The following VPS52 variants were observed in gnomAD, a reference collection of about 807,000 sequenced individuals.
VPS52 encodes vacuolar protein sorting-associated protein 52 homolog.
VPS52 carries 56 observed loss-of-function variants against 98.7 expected under a neutral mutation model. The ratio of observed to expected loss-of-function variants is 0.57; its 90% CI spans 0.46 to 0.71. The LOEUF (loss-of-function observed/expected upper bound fraction) is 0.71, where lower values mean the gene tolerates loss of function less well. Ranked by LOEUF, VPS52 falls within the 30% of genes least tolerant of loss-of-function variation. The pLI is 0.00. For synonymous variants in VPS52, 348 were observed against 346.4 expected (o/e 1.00, Z -0.05); for missense variants, 742 against 925.9 (o/e 0.80, Z 2.58).
chr6:33,252,813 G>A, intron 17 of VPS52, among the ~76,000 whole-genome samples: 1 of 151,898 alleles, frequency 6.6e-6, no homozygotes, highest in Non-Finnish European at 1.5e-5. Context: ...AGGAGATACA[G>A]AAATCTAATT....
chr6:33,266,731 A>T lies in VPS52; in HGVS notation c.1126-19T>A. 6.3e-7 allele frequency: 1 copy of T among 1,593,168 alleles called. No homozygotes were observed. The highest frequency in any genetic ancestry group is 1.1e-5 in the South Asian group (1 of 88,682). On this transcript the variant is annotated intron_variant, in intron 11 of 19. Transcript: ENST00000445902. ...ATGGATACTGGGAGAGGAGGAGTAA[A>T]GAAGAAAAACAGAAGGGATGGACCC... is the stretch of plus-strand genomic sequence containing the variant.
At chr6:33,253,614 G>C (rs76090920) in intron 17 of VPS52, among the ~76,000 whole-genome samples, 5,823 of 151,954 alleles carry the variant, frequency 0.038, 194 homozygotes, top group African/African-American at 0.087. Flanking sequence ...CTGTTACCAG[G>C]TGTGGTGGCA....
Position 33,268,647 on chromosome 6 carries a change from G to A in VPS52, c.551C>T (p.Ala184Val), listed in dbSNP as rs761091888. 2 of 1,600,320 alleles carry A rather than the reference G, an allele frequency of 1.2e-6. No individual in the cohort carries two copies. The highest frequency in any genetic ancestry group is 1.7e-6 in the Non-Finnish European group (2 of 1,177,460). ...CTCTGTCACTGGAGCCTCCAGAATT[G>A]CCCTGGTTAGCAGGGAGGGGTGGGA... is the stretch of plus-strand genomic sequence containing the variant. Reference protein sequence around the residue: ...GLVVPSALVTAILEAPVTEPR... With the variant: ...GLVVPSALVTVILEAPVTEPR... Residue 184 changes from alanine (A) to valine (V), a missense_variant and splice_region_variant, in exon 7 of 20, where the codon GCA becomes GTA. Physicochemically the swap from Ala to Val is moderately conservative, Grantham distance 64 (BLOSUM62 0). Transcript: ENST00000445902. The surrounding 1 kb of genome is among the most constrained non-coding windows in gnomAD (Gnocchi z 4.0).
chr6:33,265,314 G>A (rs1203438326), intron 12 of VPS52, among the ~76,000 whole-genome samples: 2 of 151,866 alleles, frequency 1.3e-5, no homozygotes, highest in Non-Finnish European at 2.9e-5. Context: ...GACCTCAGGC[G>A]ATCCGCCCAC....
chr6:33,269,073 T>G lies in VPS52; in HGVS notation c.489A>C (p.Ala163=). 1.2e-6 allele frequency: 2 copies of G among 1,612,906 alleles called. No individual in the cohort carries two copies. The highest frequency in any genetic ancestry group is 4.5e-5 in the East Asian group (2 of 44,872). ...AMNIRLRNRQ[A]VRGKLGELVD... Reference sequence around the variant, plus strand: ...CAAGCTCCCCAAGTTTCCCCCGAACTGCCTGGCGATTTCGAAGTCGAATGT... The same window carrying G: ...CAAGCTCCCCAAGTTTCCCCCGAACGGCCTGGCGATTTCGAAGTCGAATGT... The change falls in exon 6 of 20, where the codon GCA becomes GCC. Residue 163 remains alanine, a synonymous_variant. Coordinates refer to ENST00000445902, the MANE Select transcript of VPS52 (RefSeq NM_022553.6).
intron 1 of VPS52, 27 bp downstream of exon 1, chr6:33,271,559 G>C (rs776630588): frequency 6.3e-7 from 1 of 1,580,162 alleles, no homozygotes; most frequent in South Asian, 1.2e-5. Context: ...CCGGAACTAC[G>C]GAGGAGAAAC....
rs200515927 is a variant in VPS52 at position 33,268,506 on chromosome 6, C to T, written c.692G>A (p.Arg231Gln). 5.4e-5 allele frequency: 86 copies of T among 1,601,178 alleles called. No homozygotes were observed. The highest frequency in any genetic ancestry group is 5.1e-4 in the African/African-American group (38 of 74,694). ...TCCATCCCTACTTCCCACCTTGACC[C>T]GGAGCCGATCGAGCACGCCTCTGAC... ...ADVRGVLDRL[R>Q]VKAVTKIREF... The change falls in exon 7 of 20, where the codon CGG becomes CAG. Residue 231 changes from arginine (R) to glutamine (Q), a missense_variant. By Grantham distance (43) the Arg-to-Gln change is conservative. Transcript: ENST00000445902. The surrounding 1 kb of genome is among the most constrained non-coding windows in gnomAD (Gnocchi z 4.0).
chr6:33,262,779 A>C (rs1763781096), intron 17 of VPS52, among the ~76,000 whole-genome samples: 1 of 152,244 alleles, frequency 6.6e-6, no homozygotes, highest in African/African-American at 2.4e-5. Flanking sequence ...ACAGAAAGAC[A>C]AACGTCATGT....
In VPS52 at chr6:33,258,945, C is replaced by T. The variant is rs555355221; in HGVS notation, c.1794+4539G>A. ...AAAATTGTATAGTTGTGGTGACGCT[C>T]CTCACACAGAGCACCAGCTTCAGGG... On this transcript the variant is annotated intron_variant, in intron 17 of 19. Transcript: ENST00000445902. Among the ~76,000 whole-genome samples, 61 of 152,300 alleles carry T rather than the reference C, an allele frequency of 4.0e-4. No individual in the cohort carries two copies. In the South Asian group the frequency reaches 4.6e-3, roughly 11 times the overall value.
In VPS52 at chr6:33,267,275, G is replaced by A. The variant is rs1228910049; in HGVS notation, c.1038C>T (p.Thr346=). 3.1e-6 allele frequency: 5 copies of A among 1,604,126 alleles called. No individual in the cohort carries two copies. In the Admixed American group the frequency reaches 5.2e-5, roughly 17 times the overall value. Residue 346 remains threonine (T), a synonymous_variant, in exon 11 of 20, where the codon ACC becomes ACT. Coordinates refer to ENST00000445902, the MANE Select transcript of VPS52 (RefSeq NM_022553.6). The surrounding 1 kb of genome is among the most constrained non-coding windows in gnomAD (Gnocchi z 4.2). ...PSLRSRNTIF[T]LGTRGSVISP... is the part of the protein sequence containing the mutation. Reference sequence around the variant, plus strand: ...AGATGACAGAGCCGCGGGTTCCTAGGGTGAAAATGGTGTTCCTGCTGCGGA... The same window carrying A: ...AGATGACAGAGCCGCGGGTTCCTAGAGTGAAAATGGTGTTCCTGCTGCGGA...
intron 17 of VPS52, among the ~76,000 whole-genome samples, chr6:33,258,189 A>T (rs957539910): frequency 3.9e-5 from 6 of 152,084 alleles, no homozygotes; most frequent in African/African-American, 1.2e-4. Flanking sequence ...GGCGTTCAAG[A>T]CTGGCCTGGC....
chr6:33,271,055 A>G (rs957592895), intron 1 of VPS52: 4 of 238,474 alleles, frequency 1.7e-5, no homozygotes, highest in Non-Finnish European at 3.3e-5. Flanking sequence ...TAAGACCCTC[A>G]GACTCCTGCC....
At chr6:33,256,905 C>A (rs1243400935) in intron 17 of VPS52, among the ~76,000 whole-genome samples, 1 of 150,826 alleles carries the variant, frequency 6.6e-6, no homozygotes, top group African/African-American at 2.4e-5. Flanking sequence ...TGGTTCTGGG[C>A]CAACCATCCA....
chr6:33,263,857 A>T lies in VPS52; in HGVS notation c.1643T>A (p.Leu548His). ...TGAGGAGAACTCAGCTGCCACTCGG[A>T]GGACAAAATTCTCCACCTCCACCTG... Reference protein sequence around the residue: ...QLQVEVENFVLRVAAEFSSRK... With the variant: ...QLQVEVENFVHRVAAEFSSRK... Residue 548 changes from leucine to histidine, a missense_variant, in exon 16 of 20, where the codon CTC becomes CAC. This residue lies in a region of VPS52 where 590 missense variants were observed against 793.3 expected (regional missense o/e 0.74). Coordinates refer to ENST00000445902, the MANE Select transcript of VPS52 (RefSeq NM_022553.6). 1 of 1,614,210 alleles carries T rather than the reference A, an allele frequency of 6.2e-7. No homozygotes were observed. The highest frequency in any genetic ancestry group is 8.5e-7 in the Non-Finnish European group (1 of 1,180,040).
intron 12 of VPS52, among the ~76,000 whole-genome samples, chr6:33,265,307 C>A (rs1260226005): frequency 6.6e-6 from 1 of 152,136 alleles, no homozygotes; most frequent in Non-Finnish European, 1.5e-5. Context: ...AACTCCTGAC[C>A]TCAGGCGATC....
In VPS52 at chr6:33,266,504, T is replaced by C. The variant is rs919198707; in HGVS notation, c.1281+53A>G. The C allele has an allele frequency of 3.3e-6, 5 of 1,509,898 alleles. No homozygotes were observed. The African/African-American group carries it at 6.9e-5, about 21-fold the overall frequency. 93.5% of individuals were successfully genotyped at this position (1,509,898 alleles called of 1,614,324 possible). A position where few individuals can be genotyped will look rare whatever the true frequency, so the allele number is the denominator to read the frequency against. On this transcript the variant is annotated intron_variant, in intron 12 of 19. Transcript: ENST00000445902. ...CAGAGTCATGACCCCACTATGCTGC[T>C]GATGAAGACTGGGGACAAAGGTGTT...
intron 17 of VPS52, among the ~76,000 whole-genome samples, chr6:33,253,540 AAT>A (rs1377602077): frequency 2.6e-5 from 4 of 151,968 alleles, no homozygotes; most frequent in African/African-American, 9.7e-5. Flanking sequence ...GGAAAATCTG[AAT>A]AGTTATTTTA....
Position 33,268,490 on chromosome 6 carries a change from A to G in VPS52, c.699+9T>C, listed in dbSNP as rs769788866. Reference sequence around the variant, plus strand: ...AGTAGCCTCCAGGGTATCCATCCCTACTTCCCACCTTGACCCGGAGCCGAT... The same window carrying G: ...AGTAGCCTCCAGGGTATCCATCCCTGCTTCCCACCTTGACCCGGAGCCGAT... On this transcript the variant is annotated intron_variant, in intron 7 of 19. Coordinates refer to ENST00000445902, the MANE Select transcript of VPS52 (RefSeq NM_022553.6). This position sits in a 1 kb window ranked among gnomAD's most constrained non-coding sequence, Gnocchi z 4.0. 1.4e-5 allele frequency: 22 copies of G among 1,587,104 alleles called. No individual in the cohort carries two copies. The East Asian group carries it at 4.3e-4, about 31-fold the overall frequency.
At chr6:33,251,187 C>T (rs1024225654) in intron 19 of VPS52, among the ~76,000 whole-genome samples, 200 bp from the exon 20 acceptor site, 9 of 151,950 alleles carry the variant, frequency 5.9e-5, no homozygotes, top group Non-Finnish European at 1.2e-4. Context: ...ACTACAAATA[C>T]GAAAATTAGC....
Sources: allele counts gnomAD v4.1 joint callset (sites outside exome capture counted in the v4.1 genomes callset), GRCh38; gene constraint gnomAD v4.1.1; regional missense constraint gnomAD v4.1.1; non-coding constraint Gnocchi (gnomAD v3.1); transcripts MANE v1.5; gene names NCBI Gene and HGNC (gene_info 2026-07-23, HGNC 2026-07-21).